Variants in RTL9 observed in about 807,000 individuals in gnomAD.
RTL9 encodes the protein retrotransposon Gag-like protein 9.
A neutral mutation model predicts 44.7 loss-of-function variants in RTL9; 19 were observed. The observed-to-expected ratio is 0.42, with a 90% CI of 0.30 to 0.62. RTL9 has a LOEUF of 0.62. RTL9 is among the 20% of genes least tolerant of loss of function. The pLI is 0.16. For synonymous variants in RTL9, 407 were observed against 398.9 expected, an observed-to-expected ratio of 1.02 and a Z score of -0.24; for missense variants, 1,105 against 1,080.6, an observed-to-expected ratio of 1.02 and a Z score of -0.32.
intron 1 of RTL9, among the ~76,000 whole-genome samples, chrX:110,406,255 CT>C (rs2068600689): frequency 9.2e-6 from 1 of 109,259 alleles, no homozygotes; most frequent in South Asian, 4.1e-4. Flanking sequence ...TATCCCTCCC[CT>C]AGCCCCCCAC....
At position 110,432,037 on chromosome X, in the gene RTL9, A is replaced by C. The variant is rs1188595678; in HGVS notation, c.-168+12902A>C. ...TTGGGGAGGGTTTATGTGTTTATTC[A>C]CCCATTCATTTATTCAACATTTCTT... On this transcript the variant is annotated intron_variant, in intron 1 of 3. Transcript: ENST00000465301. Among the ~76,000 whole-genome samples, 6 of 111,633 alleles carry C rather than the reference A, an allele frequency of 5.4e-5. No homozygotes were observed. In the South Asian group the frequency reaches 2.3e-3, roughly 42 times the overall value.
At chrX:110,366,391 A>G (rs2068297525) in intron 1 of RTL9, among the ~76,000 whole-genome samples, 1 of 111,573 alleles carries the variant, frequency 9.0e-6, no homozygotes, top group African/African-American at 3.3e-5. Flanking sequence ...GGATTTGAAA[A>G]TTTTTGTGAC....
exon 1 of RTL9, chrX:110,454,012 A>G: frequency 1.7e-6 from 2 of 1,211,954 alleles, no homozygotes; most frequent in Non-Finnish European, 2.2e-6. Context: ...GAAACTGCGA[A>G]ACCACCACCA....
intron 1 of RTL9, among the ~76,000 whole-genome samples, chrX:110,423,257 G>A (rs2068730592): frequency 9.1e-6 from 1 of 110,419 alleles, no homozygotes; most frequent in South Asian, 3.9e-4. Flanking sequence ...GAACCTGGGA[G>A]GTTGAGGTTG....
chrX:110,401,281 A>G (rs2068562769), intron 1 of RTL9, among the ~76,000 whole-genome samples: 1 of 110,647 alleles, frequency 9.0e-6, no homozygotes, highest in African/African-American at 3.3e-5. Context: ...TGGTGAAATA[A>G]GCCAAGTTTG....
At chrX:110,405,823 A>T in intron 1 of RTL9, among the ~76,000 whole-genome samples, 1 of 111,843 alleles carries the variant, frequency 8.9e-6, no homozygotes, top group East Asian at 2.8e-4. Context: ...ACGCAGATCC[A>T]CCTGACACCA....
intron 1 of RTL9, among the ~76,000 whole-genome samples, chrX:110,396,054 A>G (rs1200038042): frequency 1.8e-5 from 2 of 111,533 alleles, no homozygotes; most frequent in Non-Finnish European, 3.8e-5. Flanking sequence ...TAATATCTAA[A>G]TGCTTTTTCT....
intron 1 of RTL9, among the ~76,000 whole-genome samples, chrX:110,423,369 A>G (rs1207735912): frequency 9.1e-6 from 1 of 110,104 alleles, no homozygotes; most frequent in African/African-American, 3.3e-5. Flanking sequence ...AGGAAGGAGA[A>G]GGAGAAGAAG....
At chrX:110,453,348 T>C (rs370568707) in exon 1 of RTL9, 1 of 1,211,844 alleles carries the variant, frequency 8.3e-7, no homozygotes, top group African/African-American at 1.7e-5. Flanking sequence ...TGGAACTATG[T>C]CCACACCACT....
intron 1 of RTL9, among the ~76,000 whole-genome samples, chrX:110,420,487 T>G (rs959906582): frequency 4.5e-5 from 5 of 112,231 alleles, no homozygotes; most frequent in African/African-American, 1.6e-4. Context: ...CAAGAAGGAC[T>G]AGCTCTGGCT....
intron 1 of RTL9, among the ~76,000 whole-genome samples, chrX:110,437,152 C>T (rs1417908201): frequency 9.0e-6 from 1 of 111,671 alleles, no homozygotes; most frequent in East Asian, 2.8e-4. Flanking sequence ...GGAATGCTCT[C>T]TAGTGGGACT....
chrX:110,415,603 C>T (rs1340079666), upstream of RTL9, among the ~76,000 whole-genome samples: 4 of 111,339 alleles, frequency 3.6e-5, no homozygotes, highest in East Asian at 1.1e-3. Context: ...GTAAAGGCGA[C>T]TCATTCTGAC....
exon 2 of RTL9, chrX:110,455,427 C>A: frequency 1.0e-6 from 1 of 976,050 alleles, no homozygotes; most frequent in Admixed American, 2.7e-5. Flanking sequence ...TTGCCTTCAC[C>A]CTTCAGCCTC....
intron 1 of RTL9, among the ~76,000 whole-genome samples, chrX:110,409,105 A>G (rs2068623353): frequency 9.0e-6 from 1 of 111,616 alleles, no homozygotes; most frequent in African/African-American, 3.3e-5. Flanking sequence ...ATAATGAATA[A>G]TGAATGTGGA....
intron 1 of RTL9, among the ~76,000 whole-genome samples, chrX:110,364,279 C>G (rs2068282803): frequency 8.9e-6 from 1 of 111,753 alleles, no homozygotes; most frequent in African/African-American, 3.3e-5. Context: ...CCAGGATGAT[C>G]TCATGTAGAC....
At chrX:110,367,973 A>AATTATTATTATTATTATT (rs201193443) in intron 1 of RTL9, among the ~76,000 whole-genome samples, 3 of 85,333 alleles carry the variant, frequency 3.5e-5, no homozygotes, top group Non-Finnish European at 2.3e-5. Flanking sequence ...AGTGCTGGCT[A>AATTATTATTATTATTATT]ATTATTATTA....
At chrX:110,435,702 C>T (rs2068834103) in intron 1 of RTL9, among the ~76,000 whole-genome samples, 1 of 111,896 alleles carries the variant, frequency 8.9e-6, no homozygotes, top group South Asian at 3.7e-4. Flanking sequence ...CTACTGATTT[C>T]TCTGTTAAAT....
chrX:110,372,650 C>T (rs1170067604), intron 1 of RTL9, among the ~76,000 whole-genome samples: 1 of 111,785 alleles, frequency 8.9e-6, no homozygotes, highest in Non-Finnish European at 1.9e-5. Context: ...GCTAGTTTAT[C>T]TAATATTTTC....
intron 1 of RTL9, among the ~76,000 whole-genome samples, chrX:110,397,744 A>G (rs772113985): frequency 2.3e-4 from 26 of 111,999 alleles, no homozygotes; most frequent in African/African-American, 8.1e-4. Flanking sequence ...TGCAAAGGCC[A>G]ACCTGCCCCA....
Sources: allele counts gnomAD v4.1 joint callset (sites outside exome capture counted in the v4.1 genomes callset), GRCh38; gene constraint gnomAD v4.1.1; transcripts MANE v1.5; gene names NCBI Gene and HGNC (gene_info 2026-07-23, HGNC 2026-07-21).